CLASP1: variants seen among roughly 807,000 people sequenced by gnomAD.
CLASP1 encodes cytoplasmic linker associated protein 1, also known as CLIP-associating protein 1.
A neutral mutation model predicts 192.3 loss-of-function variants in CLASP1; 38 were observed. That is an observed-to-expected ratio of 0.20 (90% CI 0.15 to 0.26). CLASP1 has a LOEUF of 0.26. Among genes scored for constraint, CLASP1 ranks in the 10% least tolerant of loss-of-function variants. The probability of loss-of-function intolerance (pLI) is 1.00; values close to 1 mark genes in which losing one functional copy is unlikely to be tolerated. For missense variants in CLASP1, 1,433 were observed against 1,932.5 expected, an observed-to-expected ratio of 0.74 and a Z score of 4.85; for synonymous variants, 691 against 712.8, an observed-to-expected ratio of 0.97 and a Z score of 0.49.
intron 1 of CLASP1, among the ~76,000 whole-genome samples, chr2:121,636,062 G>C (rs1009782888): frequency 6.6e-6 from 1 of 152,030 alleles, no homozygotes. Context: ...TTTGAGGCCG[G>C]GCATGGTGGC....
chr2:121,556,893 G>A (rs545345392), intron 2 of CLASP1, among the ~76,000 whole-genome samples: 1 of 152,242 alleles, frequency 6.6e-6, no homozygotes, highest in East Asian at 1.9e-4. Context: ...TACAACTAAA[G>A]CACCATGCAA....
At chr2:121,626,429 A>T (rs1467899093) in intron 1 of CLASP1, among the ~76,000 whole-genome samples, 1 of 152,240 alleles carries the variant, frequency 6.6e-6, no homozygotes, top group African/African-American at 2.4e-5. Context: ...CAATGTATTA[A>T]GTTATCATAC....
At chr2:121,352,842 C>T (rs1280788251) in intron 37 of CLASP1, among the ~76,000 whole-genome samples, 3 of 151,966 alleles carry the variant, frequency 2.0e-5, no homozygotes, top group East Asian at 3.9e-4. Context: ...TTAGTAGAGA[C>T]GGGGTTTCAC....
Position 121,637,509 on chromosome 2 carries a change from A to T in CLASP1, c.-286+11863T>A, listed in dbSNP as rs2106298406. ...AAGAGCTAAAATTATAAAATCTTAG[A>T]GGAAAACATAGGGATAAATCTTCAT... On this transcript the variant is annotated intron_variant, in intron 1 of 39. Coordinates refer to ENST00000263710, the Ensembl canonical transcript of CLASP1. Among the ~76,000 whole-genome samples, 2 of 152,344 alleles carry T rather than the reference A, an allele frequency of 1.3e-5. 1 individual carries two copies. Among genetic ancestry groups the T allele is most frequent in the South Asian group, 4.1e-4 (2 of 4,834 alleles).
At chr2:121,502,499 C>A (rs2150246367) in intron 8 of CLASP1, among the ~76,000 whole-genome samples, 1 of 152,252 alleles carries the variant, frequency 6.6e-6, no homozygotes, top group Non-Finnish European at 1.5e-5. Context: ...ACCCACAGGG[C>A]AAATACTTCA....
At chr2:121,356,612 T>C (rs572615831) in intron 37 of CLASP1, among the ~76,000 whole-genome samples, 1 of 152,376 alleles carries the variant, frequency 6.6e-6, no homozygotes, top group South Asian at 2.1e-4. Context: ...TCAATTATTT[T>C]AAAAGTATTT....
At chr2:121,416,872 GACC>G (rs760565902) in intron 23 of CLASP1, among the ~76,000 whole-genome samples, 5 of 152,162 alleles carry the variant, frequency 3.3e-5, no homozygotes, top group Non-Finnish European at 7.3e-5. Flanking sequence ...GATGAACAGG[GACC>G]ACAAGGCATT....
intron 8 of CLASP1, among the ~76,000 whole-genome samples, chr2:121,488,734 G>A (rs1379618521): frequency 2.0e-5 from 3 of 152,174 alleles, no homozygotes; most frequent in Non-Finnish European, 2.9e-5. Context: ...TGGGAGACCT[G>A]CTGCTGTTAT....
At chr2:121,368,761 A>T (rs924616575) in intron 34 of CLASP1, among the ~76,000 whole-genome samples, 6 of 152,208 alleles carry the variant, frequency 3.9e-5, no homozygotes, top group African/African-American at 1.4e-4. Flanking sequence ...ACTTGTGCTG[A>T]TGACAAGATA....
At chr2:121,515,602 A>G in intron 7 of CLASP1, 63 bp downstream of exon 7, 2 of 1,165,290 alleles carry the variant, frequency 1.7e-6, no homozygotes. Flanking sequence ...CAAGATATTA[A>G]CTGGAAAACA....
In CLASP1 at chr2:121,526,228, C is replaced by G. The variant is rs189906858; in HGVS notation, c.471-308G>C. Among the ~76,000 whole-genome samples the G allele has an allele frequency of 7.3e-4, 111 of 152,376 alleles. 1 individual carries two copies. Among genetic ancestry groups the G allele is most frequent in the African/African-American group, 2.5e-3 (102 of 41,588 alleles). On this transcript the variant is annotated intron_variant, in intron 5 of 39. Transcript: ENST00000263710. ...AGCCCCCCAGGTCCCGCTTGCCTCA[C>G]AGGTGCTGCCTCTGCATTACTGTCT... is the stretch of plus-strand genomic sequence containing the variant.
intron 2 of CLASP1, among the ~76,000 whole-genome samples, chr2:121,593,803 G>A (rs2062744642): frequency 1.3e-5 from 2 of 151,142 alleles, no homozygotes; most frequent in South Asian, 4.2e-4. Flanking sequence ...CTGAGGTTGG[G>A]AGTTCAAGAC....
chr2:121,588,405 A>T (rs2061984166), intron 2 of CLASP1, among the ~76,000 whole-genome samples: 1 of 152,220 alleles, frequency 6.6e-6, no homozygotes, highest in Non-Finnish European at 1.5e-5. Context: ...TTTTGGTAGA[A>T]TTACAAAATT....
intron 30 of CLASP1, among the ~76,000 whole-genome samples, chr2:121,391,501 A>G (rs775425839): frequency 3.3e-5 from 5 of 152,254 alleles, no homozygotes; most frequent in Non-Finnish European, 5.9e-5. Context: ...GAATAATAAC[A>G]TTAGCTGTCA....
chr2:121,540,146 G>A (rs1480871666), intron 2 of CLASP1, among the ~76,000 whole-genome samples: 2 of 152,210 alleles, frequency 1.3e-5, no homozygotes. Flanking sequence ...GTGCAAGAAT[G>A]CTCAGAGCAG....
rs933487010 is a variant in CLASP1 at position 121,404,359 on chromosome 2, C to T, written c.2733+12G>A. 2 of 1,610,872 alleles carry T rather than the reference C, an allele frequency of 1.2e-6. No individual in the cohort carries two copies. Among genetic ancestry groups the T allele is most frequent in the African/African-American group, 2.7e-5 (2 of 74,994 alleles). ...AGGGGTAAAGACAGGGCAGGCATGA[C>T]TTCAGACTTACCTTGCTATGAGGGT... On this transcript the variant is annotated intron_variant, in intron 26 of 39. Coordinates refer to ENST00000263710, the Ensembl canonical transcript of CLASP1.
At chr2:121,397,821 C>T (rs549095774) in intron 29 of CLASP1, among the ~76,000 whole-genome samples, 3 of 152,172 alleles carry the variant, frequency 2.0e-5, no homozygotes, top group Non-Finnish European at 4.4e-5. Context: ...AGATGATGAA[C>T]GTGACCTAAT....
rs762002201 is a variant in CLASP1 at position 121,397,129 on chromosome 2, C to G, written c.3123+11G>C. The G allele has an allele frequency of 6.2e-7, 1 of 1,613,436 alleles. No homozygotes were observed. Among genetic ancestry groups the G allele is most frequent in the East Asian group, 2.2e-5 (1 of 44,866 alleles). Reference sequence around the variant, plus strand: ...CAATCTGTAATTACACGTCGGTTCTCTTGGACATACCTTTCTCACGTCTGA... The same window carrying G: ...CAATCTGTAATTACACGTCGGTTCTGTTGGACATACCTTTCTCACGTCTGA... On this transcript the variant is annotated intron_variant, in intron 30 of 39. Coordinates refer to ENST00000263710, the Ensembl canonical transcript of CLASP1.
chr2:121,446,296 G>A (rs541001198), intron 19 of CLASP1, among the ~76,000 whole-genome samples: 8 of 152,242 alleles, frequency 5.3e-5, no homozygotes, highest in African/African-American at 1.9e-4. Flanking sequence ...TGAGTTAGGT[G>A]GCTATTATTA....
Sources: gnomAD v4.1 joint callset for allele counts (sites outside exome capture counted in the v4.1 genomes callset) on GRCh38, gnomAD v4.1.1 for gene constraint, MANE v1.5 for transcripts, NCBI Gene and HGNC (gene_info 2026-07-23, HGNC 2026-07-21) for gene names.